Variants in KANK1 observed in about 807,000 individuals in gnomAD.
KANK1 encodes KN motif and ankyrin repeat domain-containing protein 1.
In KANK1, 109 loss-of-function variants were observed where a neutral mutation model predicts 106.2. The ratio of observed to expected loss-of-function variants is 1.03; its 90% confidence interval spans 0.88 to 1.20. The LOEUF (loss-of-function observed/expected upper bound fraction) is 1.20. Among genes scored for constraint, KANK1 ranks in the 50% most tolerant of loss-of-function variants. The pLI is 0.00. For synonymous variants in KANK1, 873 were observed against 652.2 expected, an observed-to-expected ratio of 1.34 and a Z score of -5.16; for missense variants, 2,399 against 1,710.7, an observed-to-expected ratio of 1.40 and a Z score of -7.10.
intron 3 of KANK1, chr9:484,542 A>G (rs1464164838): frequency 1.3e-5 from 2 of 152,238 alleles, no homozygotes; most frequent in Non-Finnish European, 2.9e-5. Context: ...TTTAAATGAC[A>G]TGGTTCATTC....
intron 2 of KANK1, among the ~76,000 whole-genome samples, chr9:702,684 A>G (rs1479856099): frequency 6.6e-6 from 1 of 152,148 alleles, no homozygotes; most frequent in South Asian, 2.1e-4. Context: ...CGTCAGTCTC[A>G]CGCACGCACA....
intron 1 of KANK1, among the ~76,000 whole-genome samples, chr9:623,216 TA>T (rs923326540): frequency 3.5e-5 from 5 of 144,380 alleles, no homozygotes; most frequent in Admixed American, 6.9e-5. Flanking sequence ...AATACTAAAA[TA>T]AAAAAAAAAG....
intron 8 of KANK1, among the ~76,000 whole-genome samples, chr9:740,425 C>G (rs746106450): frequency 1.3e-5 from 2 of 152,192 alleles, no homozygotes; most frequent in Non-Finnish European, 2.9e-5. Flanking sequence ...AGCTCACTAC[C>G]TGCTTCACTT....
In KANK1 at chr9:600,581, A is replaced by G. The variant is rs145858453; in HGVS notation, c.-83-76309A>G. ...TATATAAACAGGTATTTTTAAATGC[A>G]TTGTGGATCCAACTTCATATTAGTA... On this transcript the variant is annotated intron_variant, in intron 1 of 11. Coordinates refer to ENST00000382297, the MANE Select transcript of KANK1 (RefSeq NM_015158.5). 4.3e-4 allele frequency among the ~76,000 whole-genome samples: 65 copies of G among 152,030 alleles called. 1 individual carries two copies. Among genetic ancestry groups the G allele is most frequent in the African/African-American group, 1.5e-3 (61 of 41,268 alleles).
chr9:572,945 A>G (rs2134932247), intron 1 of KANK1, among the ~76,000 whole-genome samples: 1 of 152,296 alleles, frequency 6.6e-6, no homozygotes, highest in Middle Eastern at 3.4e-3. Flanking sequence ...TCTCATTACT[A>G]TTATCACAAT....
chr9:484,280 A>G (rs2058254582), intron 3 of KANK1: 1 of 152,220 alleles, frequency 6.6e-6, no homozygotes, highest in Non-Finnish European at 1.5e-5. Flanking sequence ...TCTCTGTTTC[A>G]GGCTAGCTGT....
rs541583765 is a variant in KANK1 at position 579,613 on chromosome 9, A to G, written c.-84+74859A>G. ...GAAGCATCTTCTCAGCATAGGTCTC[A>G]CATCTTTATGTGGTCCAGTGAGCCA... On this transcript the variant is annotated intron_variant, in intron 1 of 11. Coordinates refer to ENST00000382297, the MANE Select transcript of KANK1 (RefSeq NM_015158.5). 9.2e-5 allele frequency among the ~76,000 whole-genome samples: 14 copies of G among 152,194 alleles called. 1 individual carries two copies. Among genetic ancestry groups the G allele is most frequent in the Admixed American group, 4.6e-4 (7 of 15,298 alleles).
chr9:689,436 T>A (rs867694436), intron 2 of KANK1, among the ~76,000 whole-genome samples: 6 of 152,140 alleles, frequency 3.9e-5, no homozygotes, highest in South Asian at 4.1e-4. Flanking sequence ...CAGGGTGGCC[T>A]CTCCTTGGAA....
At chr9:538,402 C>G (rs1179838565) in intron 1 of KANK1, among the ~76,000 whole-genome samples, 2 of 152,044 alleles carry the variant, frequency 1.3e-5, no homozygotes, top group African/African-American at 4.8e-5. Context: ...TATCAGTTCT[C>G]CAGGAAGAAG....
intron 1 of KANK1, among the ~76,000 whole-genome samples, chr9:615,039 C>T (rs1192296375): frequency 6.6e-6 from 1 of 151,942 alleles, no homozygotes; most frequent in Non-Finnish European, 1.5e-5. Flanking sequence ...TTCCTGGGCC[C>T]AAGCAATTCT....
intron 1 of KANK1, among the ~76,000 whole-genome samples, chr9:580,943 A>T (rs1043697068): frequency 2.6e-5 from 4 of 152,088 alleles, no homozygotes; most frequent in African/African-American, 7.2e-5. Context: ...GCCTGGTGAG[A>T]ATTGGAGCGC....
At chr9:515,697 A>G (rs1020479511) in intron 1 of KANK1, among the ~76,000 whole-genome samples, 1 of 151,812 alleles carries the variant, frequency 6.6e-6, no homozygotes. Context: ...CAGGAATTAA[A>G]TTTCCACATA....
chr9:512,108 T>C (rs1025859705), intron 1 of KANK1, among the ~76,000 whole-genome samples: 8 of 152,216 alleles, frequency 5.3e-5, no homozygotes, highest in Non-Finnish European at 1.2e-4. Flanking sequence ...ACTTCATTTG[T>C]CTTCATGGCA....
intron 3 of KANK1, among the ~76,000 whole-genome samples, chr9:483,580 G>A (rs1397594486): frequency 6.6e-6 from 1 of 152,192 alleles, no homozygotes; most frequent in African/African-American, 2.4e-5. Context: ...TAGCACTGAT[G>A]CAAGGGTTAA....
intron 3 of KANK1, among the ~76,000 whole-genome samples, chr9:718,998 C>T (rs967352548): frequency 5.8e-5 from 7 of 120,222 alleles, no homozygotes; most frequent in Non-Finnish European, 1.1e-4. Flanking sequence ...CACACTCTGT[C>T]ACCCAGGCTG....
At chr9:706,377 T>C (rs895013872) in intron 2 of KANK1, among the ~76,000 whole-genome samples, 1 of 152,216 alleles carries the variant, frequency 6.6e-6, no homozygotes, top group Non-Finnish European at 1.5e-5. Flanking sequence ...CAGTTAGGTT[T>C]TGGTAAAAAC....
intron 1 of KANK1, among the ~76,000 whole-genome samples, chr9:658,569 G>A (rs1204259644): frequency 1.3e-5 from 2 of 151,582 alleles, no homozygotes; most frequent in East Asian, 3.9e-4. Context: ...CTAAGCCCTA[G>A]GTCTTAAAGA....
At chr9:505,889 GA>G (rs2058735248) in intron 1 of KANK1, among the ~76,000 whole-genome samples, 1 of 152,220 alleles carries the variant, frequency 6.6e-6, no homozygotes, top group East Asian at 1.9e-4. Context: ...TGCTTATATT[GA>G]ATTCCTGAGT....
At chr9:653,481 G>A (rs16921920) in intron 1 of KANK1, among the ~76,000 whole-genome samples, 2,581 of 146,868 alleles carry the variant, frequency 0.018, 86 homozygotes, top group African/African-American at 0.06. Flanking sequence ...TGCATTCAGT[G>A]AGATACATGG....
Sources: allele counts gnomAD v4.1 joint callset (sites outside exome capture counted in the v4.1 genomes callset), GRCh38; gene constraint gnomAD v4.1.1; transcripts MANE v1.5; gene names NCBI Gene and HGNC (gene_info 2026-07-23, HGNC 2026-07-21).